The following PTK2 variants were observed in gnomAD, a reference collection of about 807,000 sequenced individuals.
PTK2 encodes protein tyrosine kinase 2.
PTK2 carries 45 observed loss-of-function variants against 150.1 expected under a neutral mutation model. That is an observed-to-expected ratio of 0.30 (90% CI 0.24 to 0.38). PTK2 has a LOEUF of 0.38. Ranked by LOEUF, PTK2 falls within the 10% of genes least tolerant of loss-of-function variation. The probability of loss-of-function intolerance (pLI) is 1.00; values close to 1 mark genes in which losing one functional copy is unlikely to be tolerated. For missense variants in PTK2, 919 were observed against 1,307.3 expected, an observed-to-expected ratio of 0.70 and a Z score of 4.58; for synonymous variants, 432 against 449.2, an observed-to-expected ratio of 0.96 and a Z score of 0.48.
intron 2 of PTK2, among the ~76,000 whole-genome samples, chr8:140,915,033 CAAAAAAA>C (rs10661609): frequency 1.9e-5 from 1 of 53,070 alleles, no homozygotes; most frequent in African/African-American, 7.6e-5. Flanking sequence ...AACTCCAACT[CAAAAAAA>C]AAAAAAAAAA....
chr8:140,880,072 C>T (rs2100148325), intron 3 of PTK2, among the ~76,000 whole-genome samples: 1 of 152,140 alleles, frequency 6.6e-6, no homozygotes, highest in Non-Finnish European at 1.5e-5. Context: ...CTGTTCAAGA[C>T]CAGGCTGCAA....
chr8:140,922,780 T>G (rs368808785), intron 2 of PTK2, among the ~76,000 whole-genome samples: 2 of 152,148 alleles, frequency 1.3e-5, no homozygotes, highest in African/African-American at 2.4e-5. Flanking sequence ...GACAGGGTCA[T>G]AGACTAGGAA....
At chr8:140,904,678 T>A (rs1353980386) in intron 2 of PTK2, among the ~76,000 whole-genome samples, 3 of 152,136 alleles carry the variant, frequency 2.0e-5, no homozygotes, top group African/African-American at 7.2e-5. Context: ...ATTTCAGAAC[T>A]TGTTATTGGT....
chr8:140,679,033 TTTTTTTTTTG>T, intron 27 of PTK2, among the ~76,000 whole-genome samples: 1 of 77,462 alleles, frequency 1.3e-5, no homozygotes, highest in African/African-American at 4.4e-5. Flanking sequence ...TTTTTTTTTT[TTTTTTTTTTG>T]AGACGGACTC....
intron 13 of PTK2, among the ~76,000 whole-genome samples, chr8:140,790,959 T>C (rs949913829): frequency 2.0e-5 from 3 of 152,228 alleles, no homozygotes; most frequent in Admixed American, 6.5e-5. Context: ...CAATTATGTA[T>C]GCTGTTGCTA....
intron 1 of PTK2, among the ~76,000 whole-genome samples, chr8:140,944,693 G>T (rs956463226): frequency 2.0e-5 from 3 of 152,210 alleles, no homozygotes; most frequent in African/African-American, 7.2e-5. Context: ...ACAAAACTGA[G>T]TAAAAAGTCA....
chr8:140,706,065 CA>C (rs761828551), intron 24 of PTK2, 53 bp downstream of exon 27: 189 of 1,431,028 alleles, frequency 1.3e-4, no homozygotes, highest in Non-Finnish European at 1.7e-4. Context: ...CGCTCTACCC[CA>C]AAAGCGCTAA....
At chr8:140,976,942 A>C (rs1327571898) in intron 1 of PTK2, among the ~76,000 whole-genome samples, 2 of 152,214 alleles carry the variant, frequency 1.3e-5, no homozygotes, top group Non-Finnish European at 2.9e-5. Context: ...TCTGACTACA[A>C]TCCAATTCTA....
At chr8:140,670,677 G>A (rs993981225) in intron 29 of PTK2, among the ~76,000 whole-genome samples, 6 of 151,920 alleles carry the variant, frequency 3.9e-5, no homozygotes, top group Admixed American at 6.6e-5. Context: ...AAGCCAGGGC[G>A]CTATCCTACT....
chr8:140,980,965 T>A (rs549537324), intron 1 of PTK2, among the ~76,000 whole-genome samples: 12 of 118,278 alleles, frequency 1.0e-4, no homozygotes, highest in African/African-American at 3.1e-4. Context: ...TTTCATTATG[T>A]TAGCCAGGCT....
intron 14 of PTK2, among the ~76,000 whole-genome samples, chr8:140,780,394 G>A (rs373410961): frequency 2.0e-5 from 3 of 152,098 alleles, no homozygotes; most frequent in Non-Finnish European, 4.4e-5. Flanking sequence ...AAGTATTCTT[G>A]TTGTGGGGAG....
intron 8 of PTK2, among the ~76,000 whole-genome samples, chr8:140,829,717 T>C (rs2100114159): frequency 6.6e-6 from 1 of 152,160 alleles, no homozygotes; most frequent in African/African-American, 2.4e-5. Flanking sequence ...CTGTGGTAAG[T>C]AATATATTTA....
rs150261137 is a variant in PTK2 at position 140,734,454 on chromosome 8, A to C, written c.2030+797T>G. Among the ~76,000 whole-genome samples, 194 of 152,330 alleles carry C rather than the reference A, an allele frequency of 1.3e-3. 1 individual carries two copies. Among genetic ancestry groups the C allele is most frequent in the Middle Eastern group, 6.8e-3 (2 of 294 alleles). ...TAAGCTTGGCATTGGGGCTACAGAAATCAGTAAGACACAATGATGCCCGTC... is the reference window on the plus strand; with the variant it reads ...TAAGCTTGGCATTGGGGCTACAGAACTCAGTAAGACACAATGATGCCCGTC... On this transcript the variant is annotated intron_variant, in intron 22 of 31. Coordinates refer to ENST00000522684, the Ensembl canonical transcript of PTK2.
At chr8:140,853,832 C>A (rs554794489) in intron 5 of PTK2, among the ~76,000 whole-genome samples, 1 of 152,282 alleles carries the variant, frequency 6.6e-6, no homozygotes, top group African/African-American at 2.4e-5. Context: ...TGGAAAAGGG[C>A]AGCTGATAAT....
intron 23 of PTK2, among the ~76,000 whole-genome samples, chr8:140,707,551 A>AG (rs1554768269): frequency 6.6e-6 from 1 of 151,930 alleles, no homozygotes; most frequent in Non-Finnish European, 1.5e-5. Flanking sequence ...GATTACAGGC[A>AG]GCGGCACCTC....
chr8:140,876,638 T>G (rs551220378), intron 4 of PTK2, among the ~76,000 whole-genome samples: 1 of 152,338 alleles, frequency 6.6e-6, no homozygotes, highest in African/African-American at 2.4e-5. Context: ...TCCATTCTTT[T>G]TTATTCTATT....
intron 7 of PTK2, among the ~76,000 whole-genome samples, chr8:140,842,345 T>A (rs1353700937): frequency 2.0e-5 from 3 of 152,152 alleles, no homozygotes; most frequent in South Asian, 2.1e-4. Context: ...TTTTTCTTAA[T>A]GCTCTTTAAA....
At position 140,761,265 on chromosome 8, in the gene PTK2, G is replaced by A. The variant is rs1250243022; in HGVS notation, c.1235-3C>T. ...TCTTTGAATCTCATAATCCCTGGCTGTAAAACATAATTCACACATCAATAC... is the reference window on the plus strand; with the variant it reads ...TCTTTGAATCTCATAATCCCTGGCTATAAAACATAATTCACACATCAATAC... On this transcript the variant is annotated splice_polypyrimidine_tract_variant and splice_region_variant and intron_variant, in intron 15 of 31. Transcript: ENST00000522684. The A allele has an allele frequency of 3.8e-6, 6 of 1,599,136 alleles. No homozygotes were observed. The Admixed American group carries it at 1.0e-4, about 27-fold the overall frequency.
exon 20 of PTK2, chr8:140,743,244 C>T: frequency 3.1e-6 from 5 of 1,601,338 alleles, no homozygotes; most frequent in Non-Finnish European, 2.6e-6. Flanking sequence ...GTAGTAAGTA[C>T]TATCTTCCAT....
Sources: gnomAD v4.1 joint callset for allele counts (sites outside exome capture counted in the v4.1 genomes callset) on GRCh38, gnomAD v4.1.1 for gene constraint, MANE v1.5 for transcripts, NCBI Gene and HGNC (gene_info 2026-07-23, HGNC 2026-07-21) for gene names.